EZH2: variants seen among roughly 807,000 people sequenced by gnomAD.
The protein encoded by EZH2 is enhancer of zeste 2 polycomb repressive complex 2 subunit.
Under a neutral mutation model 98.4 loss-of-function variants are expected in EZH2, and 18 were observed. That is an observed-to-expected ratio of 0.18 (90% CI 0.13 to 0.27). The LOEUF is 0.27. Ranked by LOEUF, EZH2 falls within the 10% of genes least tolerant of loss-of-function variation. The pLI, the probability that EZH2 is intolerant of heterozygous loss-of-function variation, is 1.00. For synonymous variants in EZH2, 338 were observed against 312.3 expected (o/e 1.08, Z -0.87); for missense variants, 470 against 935.1 (o/e 0.50, Z 6.49).
intron 1 of EZH2, among the ~76,000 whole-genome samples, chr7:148,866,569 T>G (rs767358758): frequency 2.5e-4 from 36 of 145,566 alleles, no homozygotes; most frequent in Non-Finnish European, 4.9e-4. Flanking sequence ...TATACATATA[T>G]ATACGTATAT....
chr7:148,865,931 A>C (rs1818375347), intron 1 of EZH2, among the ~76,000 whole-genome samples: 1 of 152,168 alleles, frequency 6.6e-6, no homozygotes, highest in African/African-American at 2.4e-5. Flanking sequence ...TCTTTCAAGG[A>C]AGTACCAATG....
intron 5 of EZH2, 25 bp from the exon 6 acceptor site, chr7:148,828,905 C>T (rs1286389839): frequency 6.3e-7 from 1 of 1,582,782 alleles, no homozygotes; most frequent in Non-Finnish European, 8.6e-7. Flanking sequence ...ATGTCAGAAA[C>T]ACACAGGAGA....
At chr7:148,883,436 G>C (rs916505512) in intron 1 of EZH2, 6 of 152,396 alleles carry the variant, frequency 3.9e-5, no homozygotes, top group African/African-American at 7.2e-5. Flanking sequence ...CCGGAGCTCA[G>C]GGGGATTTCG....
intron 1 of EZH2, among the ~76,000 whole-genome samples, chr7:148,875,697 G>A (rs1820076291): frequency 6.6e-6 from 1 of 152,132 alleles, no homozygotes; most frequent in African/African-American, 2.4e-5. Flanking sequence ...AGAGTTTAAC[G>A]GTTTCTTACA....
chr7:148,879,399 A>C (rs1820636488), intron 1 of EZH2, among the ~76,000 whole-genome samples: 1 of 151,640 alleles, frequency 6.6e-6, no homozygotes, highest in African/African-American at 2.4e-5. Context: ...AAAATATAAA[A>C]ATTATCGGAG....
intron 1 of EZH2, among the ~76,000 whole-genome samples, chr7:148,862,356 G>A (rs934376437): frequency 1.3e-5 from 2 of 152,148 alleles, no homozygotes; most frequent in Non-Finnish European, 2.9e-5. Context: ...AAATCATGTT[G>A]TTAAACCCAT....
At chr7:148,853,743 T>C (rs938078781) in intron 1 of EZH2, among the ~76,000 whole-genome samples, 1 of 152,256 alleles carries the variant, frequency 6.6e-6, no homozygotes, top group Non-Finnish European at 1.5e-5. Context: ...ACACACACTT[T>C]TGTTTCTTTT....
intron 1 of EZH2, among the ~76,000 whole-genome samples, chr7:148,870,980 T>G (rs1338048716): frequency 6.6e-6 from 1 of 151,840 alleles, no homozygotes; most frequent in African/African-American, 2.4e-5. Context: ...ATAATAGTCA[T>G]AAGGACAAAT....
intron 1 of EZH2, among the ~76,000 whole-genome samples, chr7:148,870,494 G>C (rs965841594): frequency 6.6e-6 from 1 of 152,014 alleles, no homozygotes; most frequent in Admixed American, 6.6e-5. Context: ...TTGATCCTAG[G>C]AGTTCTAGAC....
intron 6 of EZH2, among the ~76,000 whole-genome samples, chr7:148,827,549 G>GT (rs1363032095): frequency 5.9e-5 from 9 of 152,196 alleles, no homozygotes; most frequent in African/African-American, 2.2e-4. Context: ...GACTTAGAGT[G>GT]ATCACTTTAC....
intron 8 of EZH2, among the ~76,000 whole-genome samples, chr7:148,823,572 A>G (rs183869278): frequency 4.5e-4 from 68 of 152,268 alleles, no homozygotes; most frequent in African/African-American, 1.5e-3. Context: ...AACTACTAAT[A>G]AAAGTGGAAG....
At chr7:148,852,679 C>T (rs6943253) in intron 1 of EZH2, among the ~76,000 whole-genome samples, 8,220 of 152,212 alleles carry the variant, frequency 0.054, 293 homozygotes, top group Middle Eastern at 0.082. Flanking sequence ...ACAGAGTCAA[C>T]AACTACAAAA....
At chr7:148,877,489 A>G (rs1820335700) in intron 1 of EZH2, among the ~76,000 whole-genome samples, 1 of 152,202 alleles carries the variant, frequency 6.6e-6, no homozygotes, top group Non-Finnish European at 1.5e-5. Flanking sequence ...TGCCAGGTAC[A>G]GTTCTAAGGA....
At position 148,811,664 on chromosome 7, in the gene EZH2, A is replaced by C. The variant is rs369246381; in HGVS notation, c.1908T>G (p.Pro636=). The C allele has an allele frequency of 1.9e-6, 3 of 1,613,800 alleles. No individual in the cohort carries two copies. Among genetic ancestry groups the C allele is most frequent in the Non-Finnish European group, 2.5e-6 (3 of 1,180,030 alleles). Residue 636 remains proline, a synonymous_variant, in exon 16 of 20, where the codon CCT becomes CCG. Transcript: ENST00000320356. ...CTGAGATGAATTCATTTTTCTGCACAGGATCTTTGATAAAAATCCCCCAGC... is the reference window on the plus strand; with the variant it reads ...CTGAGATGAATTCATTTTTCTGCACCGGATCTTTGATAAAAATCCCCCAGC... ...VAGWGIFIKD[P]VQKNEFISEY... is the part of the protein sequence containing the mutation.
chr7:148,838,063 CTTT>C (rs35838307), intron 3 of EZH2, among the ~76,000 whole-genome samples: 15 of 100,510 alleles, frequency 1.5e-4, no homozygotes, highest in Non-Finnish European at 2.3e-4. Context: ...GTTTAGACTC[CTTT>C]TTTTTTTTTT....
chr7:148,845,590 C>G (rs1053659228), intron 3 of EZH2, among the ~76,000 whole-genome samples: 7 of 152,192 alleles, frequency 4.6e-5, no homozygotes, highest in Non-Finnish European at 1.0e-4. Context: ...CAGAAGGCCT[C>G]ATACAATAGC....
chr7:148,817,794 T>G, intron 10 of EZH2, 83 bp downstream of exon 10: 1 of 1,563,384 alleles, frequency 6.4e-7, no homozygotes, highest in Non-Finnish European at 8.7e-7. Flanking sequence ...ACTAAGAAAA[T>G]TATTCAATGC....
chr7:148,880,735 A>G (rs978380851), intron 1 of EZH2, among the ~76,000 whole-genome samples: 1 of 152,214 alleles, frequency 6.6e-6, no homozygotes, highest in Non-Finnish European at 1.5e-5. Flanking sequence ...TTCCTTTGTC[A>G]AATTATTTCC....
chr7:148,864,699 A>G (rs1234156663), intron 1 of EZH2, among the ~76,000 whole-genome samples: 2 of 149,422 alleles, frequency 1.3e-5, no homozygotes, highest in Middle Eastern at 3.5e-3. Flanking sequence ...AAAAAAAAAA[A>G]GGAAAAAAAG....
Sources: gnomAD v4.1 joint callset for allele counts (sites outside exome capture counted in the v4.1 genomes callset) on GRCh38, gnomAD v4.1.1 for gene constraint, MANE v1.5 for transcripts, NCBI Gene and HGNC (gene_info 2026-07-23, HGNC 2026-07-21) for gene names.